The following DNTT variants were observed in gnomAD, a reference collection of about 807,000 sequenced individuals.
DNTT encodes the protein DNA nucleotidylexotransferase, also known as nucleosidetriphosphate:DNA deoxynucleotidylexotransferase.
DNTT carries 47 observed loss-of-function variants against 60.9 expected under a neutral mutation model. That is an observed-to-expected ratio of 0.77 (90% CI 0.61 to 0.98). DNTT has a LOEUF of 0.98. Among genes scored for constraint, DNTT ranks in the 50% least tolerant of loss-of-function variants. The pLI is 0.00. For missense variants in DNTT, 665 were observed against 627.5 expected, an observed-to-expected ratio of 1.06 and a Z score of -0.64; for synonymous variants, 224 against 221.2, an observed-to-expected ratio of 1.01 and a Z score of -0.11.
At chr10:96,336,036 T>C in intron 10 of DNTT, 62 bp downstream of exon 10, 1 of 1,540,562 alleles carries the variant, frequency 6.5e-7, no homozygotes, top group Non-Finnish European at 9.0e-7. Flanking sequence ...GCCCCCGAGC[T>C]TTTTTCATGG....
chr10:96,332,738 G>A (rs1355777477), intron 9 of DNTT, 142 bp downstream of exon 9: 4 of 1,279,052 alleles, frequency 3.1e-6, no homozygotes, highest in Non-Finnish European at 4.3e-6. Flanking sequence ...CTAACTCAAG[G>A]CATCCTGTCC....
At chr10:96,311,004 T>C (rs1259536178) in intron 1 of DNTT, among the ~76,000 whole-genome samples, 1 of 152,226 alleles carries the variant, frequency 6.6e-6, no homozygotes, top group Non-Finnish European at 1.5e-5. Flanking sequence ...ACAAAAAATT[T>C]CTTAATCCCA....
At position 96,335,880 on chromosome 10, in the gene DNTT, C is replaced by T; in HGVS notation, c.1360-11C>T. Reference sequence around the variant, plus strand: ...CGTGTTAATAATTTATTTTAACTATCTCCTATCCAGCAGTTTGAGAGAGAC... The same window carrying T: ...CGTGTTAATAATTTATTTTAACTATTTCCTATCCAGCAGTTTGAGAGAGAC... On this transcript the variant is annotated splice_polypyrimidine_tract_variant and intron_variant, in intron 9 of 10. Coordinates refer to ENST00000371174, the MANE Select transcript of DNTT (RefSeq NM_004088.4). The T allele has an allele frequency of 6.2e-7, 1 of 1,614,020 alleles. No individual in the cohort carries two copies. The highest frequency in any genetic ancestry group is 1.1e-5 in the South Asian group (1 of 91,082).
Position 96,328,954 on chromosome 10 carries a change from T to C in DNTT, c.1113+124T>C, listed in dbSNP as rs561893142. The C allele has an allele frequency of 1.9e-5, 19 of 995,790 alleles. No individual in the cohort carries two copies. The South Asian group carries it at 3.2e-4, about 17-fold the overall frequency. The allele number at this position is 995,790 out of a possible 1,614,324, so 61.7% of individuals were successfully genotyped here. A position where few individuals can be genotyped will look rare whatever the true frequency, so the allele number is the denominator to read the frequency against. On this transcript the variant is annotated intron_variant, in intron 8 of 10. Transcript: ENST00000371174. ...TCAATTCTCAATTATTTGTGGCAGC[T>C]TATACAAAGCCATATGACCTACAAT...
chr10:96,317,452 G>C lies in DNTT; in HGVS notation c.204-900G>C, dbSNP rs148545753. Among the ~76,000 whole-genome samples, 353 of 152,256 alleles carry C rather than the reference G, an allele frequency of 2.3e-3. 2 individuals are homozygous for C. The highest frequency in any genetic ancestry group is 3.4e-3 in the Middle Eastern group (1 of 294). On this transcript the variant is annotated intron_variant, in intron 1 of 10. Coordinates refer to ENST00000371174, the MANE Select transcript of DNTT (RefSeq NM_004088.4). ...GTAAATCAAAATTTCTTGAAGGCTG[G>C]TTATAAATAATTAATTTATTGTTAA...
At chr10:96,317,560 A>G (rs1461276336) in intron 1 of DNTT, among the ~76,000 whole-genome samples, 1 of 152,202 alleles carries the variant, frequency 6.6e-6, no homozygotes, top group Non-Finnish European at 1.5e-5. Context: ...TTGAAACCTA[A>G]TCCCCAAAGC....
intron 1 of DNTT, among the ~76,000 whole-genome samples, chr10:96,316,987 T>C (rs1238868719): frequency 1.3e-5 from 2 of 151,998 alleles, no homozygotes; most frequent in East Asian, 1.9e-4. Context: ...AAAAAGAAGA[T>C]GGAGAAAGAG....
In DNTT at chr10:96,322,728, A is replaced by C. The variant is rs779836473; in HGVS notation, c.750A>C (p.Lys250Asn). Residue 250 changes from lysine (K) to asparagine (N), a missense_variant and splice_region_variant, in exon 5 of 11, where the codon AAA (lysine) becomes AAC (asparagine). Lys to Asn is a moderately conservative substitution (Grantham distance 94). Coordinates refer to ENST00000371174, the MANE Select transcript of DNTT (RefSeq NM_004088.4). ...VLNDERYQSF[K>N]LFTSVFGVGL... ...ATGATGAACGATATCAATCCTTCAAAGTAAGTGATTTTACATATATTTATT... is the reference window on the plus strand; with the variant it reads ...ATGATGAACGATATCAATCCTTCAACGTAAGTGATTTTACATATATTTATT... 1 of 1,588,264 alleles carries C rather than the reference A, an allele frequency of 6.3e-7. No homozygotes were observed. Among genetic ancestry groups the C allele is most frequent in the East Asian group, 2.3e-5 (1 of 44,288 alleles).
intron 1 of DNTT, among the ~76,000 whole-genome samples, chr10:96,306,194 A>G (rs1844634651): frequency 6.6e-6 from 1 of 151,224 alleles, no homozygotes; most frequent in Non-Finnish European, 1.5e-5. Context: ...CCCAGGTGCA[A>G]GTGATTCTCC....
At chr10:96,320,185 G>A (rs1844849515) in intron 3 of DNTT, among the ~76,000 whole-genome samples, 1 of 152,182 alleles carries the variant, frequency 6.6e-6, no homozygotes, top group Non-Finnish European at 1.5e-5. Flanking sequence ...CTGGGTCTGT[G>A]TGACCTACGA....
rs150932719 is a variant in DNTT at position 96,322,105 on chromosome 10, A to G, written c.679-552A>G. Among the ~76,000 whole-genome samples the G allele has an allele frequency of 1.6e-4, 24 of 152,250 alleles. No individual in the cohort carries two copies. In the South Asian group the frequency reaches 2.3e-3, roughly 14 times the overall value. On this transcript the variant is annotated intron_variant, in intron 4 of 10. Transcript: ENST00000371174. ...AGAGCGCCAGAGGTTGTGCTTATTT[A>G]CTGAACGGTGTTTAGGGATTCCCCA... is the stretch of plus-strand genomic sequence containing the variant.
chr10:96,310,489 T>C (rs1017668940), intron 1 of DNTT, among the ~76,000 whole-genome samples: 1 of 151,742 alleles, frequency 6.6e-6, no homozygotes, highest in African/African-American at 2.4e-5. Flanking sequence ...CTTTACAGTT[T>C]TTCTTGCTCT....
rs1845098460 is a variant in DNTT at position 96,338,415 on chromosome 10, G to GT, written c.*194dup. On this transcript the variant is annotated 3_prime_UTR_variant, in exon 11 of 11. Transcript: ENST00000371174. Reference sequence around the variant, plus strand: ...AATGGGTAAGGTTCTAATAGGCCATGTTTATGACTGTTGCATAGAATTCAC... The same window carrying GT: ...AATGGGTAAGGTTCTAATAGGCCATGTTTTATGACTGTTGCATAGAATTCAC... The GT allele has an allele frequency of 1.2e-5, 6 of 485,336 alleles. No individual in the cohort carries two copies. The highest frequency in any genetic ancestry group is 2.2e-5 in the Non-Finnish European group (6 of 274,534). The allele number at this position is 485,336 out of a possible 1,614,324, so 30.1% of individuals were successfully genotyped here.
chr10:96,330,429 C>G (rs1844992562), intron 8 of DNTT, among the ~76,000 whole-genome samples: 1 of 150,934 alleles, frequency 6.6e-6, no homozygotes, highest in South Asian at 2.1e-4. Context: ...GAAATTTACA[C>G]AAAAGGCTGC....
At chr10:96,338,066 A>G (rs1845094183) in intron 10 of DNTT, 72 bp from the exon 11 acceptor site, 1 of 1,325,092 alleles carries the variant, frequency 7.5e-7, no homozygotes, top group South Asian at 1.4e-5. Context: ...TATAAGTAAC[A>G]CTTTCACTGT....
At chr10:96,320,938 GTCTCTCTCTCTCTCTCTC>G (rs57273993) in intron 4 of DNTT, 150 bp downstream of exon 4, 3 of 547,664 alleles carry the variant, frequency 5.5e-6, no homozygotes, top group South Asian at 4.7e-5. Flanking sequence ...TCTCTCCTCT[GTCTCTCTCTCTCTCTCTC>G]TCTCTCTCTC....
At chr10:96,331,623 G>C (rs1364702990) in intron 8 of DNTT, among the ~76,000 whole-genome samples, 1 of 152,170 alleles carries the variant, frequency 6.6e-6, no homozygotes, top group Non-Finnish European at 1.5e-5. Flanking sequence ...TCATTCATGA[G>C]AGATCTTCCC....
intron 5 of DNTT, among the ~76,000 whole-genome samples, chr10:96,323,821 G>A (rs899676504): frequency 2.0e-5 from 3 of 152,134 alleles, no homozygotes; most frequent in Non-Finnish European, 4.4e-5. Context: ...TTAAGTTTGG[G>A]CTGTGCCACT....
intron 9 of DNTT, among the ~76,000 whole-genome samples, chr10:96,333,179 AAAG>A (rs1845028790): frequency 6.6e-6 from 1 of 152,258 alleles, no homozygotes; most frequent in Admixed American, 6.5e-5. Context: ...ATATTTCTCA[AAAG>A]AAGACATATA....
Sources: gnomAD v4.1 joint callset for allele counts (sites outside exome capture counted in the v4.1 genomes callset) on GRCh38, gnomAD v4.1.1 for gene constraint, MANE v1.5 for transcripts, NCBI Gene and HGNC (gene_info 2026-07-23, HGNC 2026-07-21) for gene names.